TXNDC16: variants seen among roughly 807,000 people sequenced by gnomAD.
The protein encoded by TXNDC16 is thioredoxin domain-containing protein 16.
TXNDC16 carries 74 observed loss-of-function variants against 85.6 expected under a neutral mutation model. That is an observed-to-expected ratio of 0.86 (90% CI 0.72 to 1.05). The LOEUF is 1.05. Among genes scored for constraint, TXNDC16 ranks in the 50% least tolerant of loss-of-function variants. The pLI is 0.00. For missense variants in TXNDC16, 959 were observed against 947.0 expected (o/e 1.01, Z -0.17); for synonymous variants, 335 against 326.5 (o/e 1.03, Z -0.28).
In TXNDC16 at chr14:52,513,365, T is replaced by C. The variant is rs545048107; in HGVS notation, c.605+1515A>G. 2.8e-4 allele frequency among the ~76,000 whole-genome samples: 42 copies of C among 152,222 alleles called. 1 individual carries two copies. In the South Asian group the frequency reaches 7.7e-3, roughly 28 times the overall value. ...CACTCCTATTAGGAGATAACCCAAA[T>C]AGCCAACTACTTTATCCAAAAGTGA... On this transcript the variant is annotated intron_variant, in intron 8 of 20. Coordinates refer to ENST00000281741, the MANE Select transcript of TXNDC16 (RefSeq NM_020784.3).
At chr14:52,481,995 A>G (rs898744949) in intron 14 of TXNDC16, among the ~76,000 whole-genome samples, 1 of 152,150 alleles carries the variant, frequency 6.6e-6, no homozygotes, top group Non-Finnish European at 1.5e-5. Flanking sequence ...CTGTGTAGCC[A>G]CAAGTACTAA....
intron 1 of TXNDC16, among the ~76,000 whole-genome samples, chr14:52,550,907 G>C (rs1227305891): frequency 6.6e-6 from 1 of 152,092 alleles, no homozygotes; most frequent in Non-Finnish European, 1.5e-5. Context: ...GTACCGCCCT[G>C]ACCACATTCT....
chr14:52,468,049 G>C (rs1293440645), intron 16 of TXNDC16, among the ~76,000 whole-genome samples: 2 of 152,174 alleles, frequency 1.3e-5, no homozygotes, highest in African/African-American at 4.8e-5. Flanking sequence ...AGAGTAGCCA[G>C]ACTCATATAA....
intron 18 of TXNDC16, among the ~76,000 whole-genome samples, chr14:52,444,133 T>C (rs2140104951): frequency 6.6e-6 from 1 of 152,326 alleles, no homozygotes; most frequent in African/African-American, 2.4e-5. Context: ...TTTTGACTGC[T>C]ACTGAGACAC....
At chr14:52,473,689 A>T (rs1169483773) in intron 14 of TXNDC16, among the ~76,000 whole-genome samples, 2 of 152,206 alleles carry the variant, frequency 1.3e-5, no homozygotes, top group African/African-American at 4.8e-5. Flanking sequence ...TCAATGCAGT[A>T]ATTTCAAATA....
intron 20 of TXNDC16, among the ~76,000 whole-genome samples, chr14:52,435,676 T>C (rs924190831): frequency 6.6e-6 from 1 of 151,994 alleles, no homozygotes; most frequent in African/African-American, 2.4e-5. Context: ...AAACAAAGAA[T>C]AGGGCCAGGT....
intron 8 of TXNDC16, among the ~76,000 whole-genome samples, chr14:52,512,892 T>C (rs2036990484): frequency 6.6e-6 from 1 of 152,166 alleles, no homozygotes; most frequent in South Asian, 2.1e-4. Flanking sequence ...GCAAAACAGC[T>C]ACCATGTTGT....
chr14:52,494,251 C>G (rs2036481423), intron 9 of TXNDC16, among the ~76,000 whole-genome samples: 1 of 152,242 alleles, frequency 6.6e-6, no homozygotes, highest in South Asian at 2.1e-4. Flanking sequence ...ATCCCCTCCC[C>G]TGAGTGTCAG....
intron 6 of TXNDC16, among the ~76,000 whole-genome samples, chr14:52,533,545 G>A (rs2037631613): frequency 6.6e-6 from 1 of 152,140 alleles, no homozygotes; most frequent in Non-Finnish European, 1.5e-5. Context: ...GCTTTGCTGG[G>A]CAATCAGGTG....
intron 9 of TXNDC16, among the ~76,000 whole-genome samples, chr14:52,507,772 T>C (rs1386207256): frequency 6.6e-6 from 1 of 152,188 alleles, no homozygotes; most frequent in East Asian, 1.9e-4. Flanking sequence ...TATCTATAAG[T>C]ATCTGATCTT....
intron 6 of TXNDC16, among the ~76,000 whole-genome samples, chr14:52,531,312 C>T (rs901912428): frequency 1.3e-5 from 2 of 152,110 alleles, no homozygotes; most frequent in South Asian, 4.1e-4. Flanking sequence ...CAATCACACT[C>T]CTTTCGTATT....
At chr14:52,433,782 A>G (rs2034962172) in intron 20 of TXNDC16, among the ~76,000 whole-genome samples, 1 of 152,262 alleles carries the variant, frequency 6.6e-6, no homozygotes, top group Non-Finnish European at 1.5e-5. Flanking sequence ...AGCAGGTTCA[A>G]AAGTGACAAA....
chr14:52,511,486 G>T, intron 8 of TXNDC16, 96 bp from the exon 9 acceptor site: 1 of 724,626 alleles, frequency 1.4e-6, no homozygotes, highest in Non-Finnish European at 2.0e-6. Context: ...TAAGTCTCAT[G>T]CTTTTGAATT....
intron 9 of TXNDC16, among the ~76,000 whole-genome samples, chr14:52,495,015 T>C (rs2036498814): frequency 6.6e-6 from 1 of 152,228 alleles, no homozygotes; most frequent in African/African-American, 2.4e-5. Flanking sequence ...AAAATTCAGA[T>C]TTGAGAATCC....
At chr14:52,526,753 T>C (rs1289580965) in intron 6 of TXNDC16, among the ~76,000 whole-genome samples, 2 of 152,216 alleles carry the variant, frequency 1.3e-5, no homozygotes, top group African/African-American at 4.8e-5. Flanking sequence ...GGATGAGGCC[T>C]GGTCACTAAA....
intron 20 of TXNDC16, among the ~76,000 whole-genome samples, chr14:52,435,550 T>A (rs577847775): frequency 6.6e-6 from 1 of 152,232 alleles, no homozygotes; most frequent in East Asian, 1.9e-4. Flanking sequence ...AATATTGAAT[T>A]TAATTAATTA....
At position 52,514,797 on chromosome 14, in the gene TXNDC16, T is replaced by A. The variant is rs1055272119; in HGVS notation, c.605+83A>T. 5 of 977,468 alleles carry A rather than the reference T, an allele frequency of 5.1e-6. No individual in the cohort carries two copies. In the African/African-American group the frequency reaches 6.5e-5, roughly 13 times the overall value. The allele number at this position is 977,468 out of a possible 1,614,324, so 60.5% of individuals were successfully genotyped here. ...TATCTAAGCCCATGCTGTGGGAGCATAATGGAAATGCTAAGTAATGCGAAA... is the reference window on the plus strand; with the variant it reads ...TATCTAAGCCCATGCTGTGGGAGCAAAATGGAAATGCTAAGTAATGCGAAA... On this transcript the variant is annotated intron_variant, in intron 8 of 20. Coordinates refer to ENST00000281741, the MANE Select transcript of TXNDC16 (RefSeq NM_020784.3).
intron 9 of TXNDC16, among the ~76,000 whole-genome samples, chr14:52,505,057 C>G (rs1014184597): frequency 1.2e-4 from 18 of 152,098 alleles, no homozygotes; most frequent in African/African-American, 3.9e-4. Flanking sequence ...ATAGGAGTAA[C>G]CAGATTCATA....
intron 18 of TXNDC16, among the ~76,000 whole-genome samples, chr14:52,454,158 G>A (rs1455802904): frequency 6.6e-6 from 1 of 152,130 alleles, no homozygotes; most frequent in East Asian, 1.9e-4. Context: ...CAGGTGCAGT[G>A]GCTCATGCTG....
Sources: allele counts gnomAD v4.1 joint callset (sites outside exome capture counted in the v4.1 genomes callset), GRCh38; gene constraint gnomAD v4.1.1; transcripts MANE v1.5; gene names NCBI Gene and HGNC (gene_info 2026-07-23, HGNC 2026-07-21).